The following CACNA2D1 variants were observed in gnomAD, a reference collection of about 807,000 sequenced individuals.
CACNA2D1 encodes the protein calcium voltage-gated channel auxiliary subunit alpha2delta 1, also known as voltage-dependent calcium channel subunit alpha-2/delta-1.
In CACNA2D1, 53 loss-of-function variants were observed where a neutral mutation model predicts 171.5. The ratio of observed to expected loss-of-function variants is 0.31; its 90% CI spans 0.25 to 0.39. CACNA2D1 has a LOEUF of 0.39. Ranked by LOEUF, CACNA2D1 falls within the 10% of genes least tolerant of loss-of-function variation. CACNA2D1 has a pLI of 1.00. For synonymous variants in CACNA2D1, 442 were observed against 443.1 expected, an observed-to-expected ratio of 1.00 and a Z score of 0.03; for missense variants, 903 against 1,299.8, an observed-to-expected ratio of 0.69 and a Z score of 4.69.
In CACNA2D1 at chr7:82,005,749, G is replaced by A; in HGVS notation, c.1515+16C>T. The A allele has an allele frequency of 7.2e-6, 11 of 1,538,268 alleles. No individual in the cohort carries two copies. Among genetic ancestry groups the A allele is most frequent in the Non-Finnish European group, 9.9e-6 (11 of 1,111,158 alleles). On this transcript the variant is annotated intron_variant, in intron 17 of 38. Transcript: ENST00000356860. ...CTAAACTAGAAAGGGTATCAAAAGA[G>A]CAAATTTCATCTTACTGTAAAACGT...
At chr7:82,239,955 T>C (rs772205980) in intron 3 of CACNA2D1, among the ~76,000 whole-genome samples, 8 of 152,162 alleles carry the variant, frequency 5.3e-5, no homozygotes, top group Non-Finnish European at 1.2e-4. Flanking sequence ...TGGTCTATGG[T>C]AAAAAGATTA....
At chr7:82,085,032 TCAA>T (rs1810280325) in intron 6 of CACNA2D1, 132 bp from the exon 7 acceptor site, 2 of 834,120 alleles carry the variant, frequency 2.4e-6, no homozygotes, top group African/African-American at 1.7e-5. Context: ...CCAGTAGTTA[TCAA>T]CAAGTTTTCG....
chr7:82,439,519 G>A (rs1830343623), intron 1 of CACNA2D1, among the ~76,000 whole-genome samples: 1 of 151,596 alleles, frequency 6.6e-6, no homozygotes, highest in Non-Finnish European at 1.5e-5. Context: ...TGAAAGCCAT[G>A]GGAGGGGGAG....
chr7:82,150,049 T>G (rs1023959400), intron 4 of CACNA2D1, among the ~76,000 whole-genome samples: 1 of 151,956 alleles, frequency 6.6e-6, no homozygotes, highest in African/African-American at 2.4e-5. Context: ...GCATCTACTA[T>G]AGGCATGCAG....
At chr7:82,029,288 C>CT (rs1364379115) in intron 12 of CACNA2D1, 1 of 151,614 alleles carries the variant, frequency 6.6e-6, no homozygotes, top group Non-Finnish European at 1.5e-5. Flanking sequence ...AAGGTATGTA[C>CT]TTTTTTTAGA....
At position 82,038,214 on chromosome 7, in the gene CACNA2D1, C is replaced by T; in HGVS notation, c.901G>A (p.Val301Ile). The T allele has an allele frequency of 6.2e-7, 1 of 1,613,390 alleles. No individual in the cohort carries two copies. The highest frequency in any genetic ancestry group is 8.5e-7 in the Non-Finnish European group (1 of 1,179,656). ...TGGACAAGGTGCTGAAAACAGCTTA[C>T]ATCCTGAGCATTGCTGTTAAACTGC... Reference protein sequence around the residue: ...VASFNSNAQDVSCFQHLVQAN... With the variant: ...VASFNSNAQDISCFQHLVQAN... The change falls in exon 11 of 39, where the codon GTA becomes ATA. Residue 301 changes from valine to isoleucine, a missense_variant. Physicochemically the swap from Val to Ile is conservative, Grantham distance 29. Coordinates refer to ENST00000356860, the MANE Select transcript of CACNA2D1 (RefSeq NM_000722.4).
In CACNA2D1 at chr7:82,133,927, G is replaced by T. The variant is rs1183900813; in HGVS notation, c.396+2708C>A. Among the ~76,000 whole-genome samples the T allele has an allele frequency of 2.0e-5, 3 of 152,158 alleles. No individual in the cohort carries two copies. The East Asian group carries it at 5.8e-4, about 30-fold the overall frequency. The stretch of plus-strand genomic sequence containing the variant: ...CTCTACTAAAAAATACAAAAAATTA[G>T]CTGGGCATGGTGGCGGGCGCCTGTA... On this transcript the variant is annotated intron_variant, in intron 5 of 38. Transcript: ENST00000356860.
intron 5 of CACNA2D1, among the ~76,000 whole-genome samples, chr7:82,123,692 A>C (rs1287815475): frequency 6.6e-6 from 1 of 152,182 alleles, no homozygotes; most frequent in African/African-American, 2.4e-5. Flanking sequence ...GACAAATCCA[A>C]AATGTGTAGC....
rs138048264 is a variant in CACNA2D1 at position 82,016,798 on chromosome 7, T to TG, written c.1144-2320dup. 2.0e-3 allele frequency among the ~76,000 whole-genome samples: 307 copies of TG among 152,214 alleles called. 5 individuals are homozygous for TG. The East Asian group carries it at 0.056, about 28-fold the overall frequency. On this transcript the variant is annotated intron_variant, in intron 12 of 38. Transcript: ENST00000356860. ...ATTTTTGAAACACGCCAAACTCTTT[T>TG]GTAAACCTCTTTGTTCTTTTTCTTG...
chr7:82,292,329 C>T (rs766146420), intron 3 of CACNA2D1, among the ~76,000 whole-genome samples: 1 of 152,122 alleles, frequency 6.6e-6, no homozygotes, highest in African/African-American at 2.4e-5. Context: ...GGATTAAACT[C>T]CTTGCTTGCT....
At chr7:82,326,997 A>G (rs1048838271) in intron 3 of CACNA2D1, among the ~76,000 whole-genome samples, 1 of 152,266 alleles carries the variant, frequency 6.6e-6, no homozygotes, top group Non-Finnish European at 1.5e-5. Context: ...TATTGCGCCA[A>G]GCCATATTAG....
At chr7:81,997,628 A>G (rs1398839448) in intron 18 of CACNA2D1, among the ~76,000 whole-genome samples, 1 of 151,258 alleles carries the variant, frequency 6.6e-6, no homozygotes, top group Non-Finnish European at 1.5e-5. Context: ...TTGGTAATAA[A>G]ACAATGGCAA....
intron 4 of CACNA2D1, among the ~76,000 whole-genome samples, chr7:82,146,337 T>C (rs1488464212): frequency 6.8e-6 from 1 of 147,102 alleles, no homozygotes; most frequent in East Asian, 2.0e-4. Context: ...CGTGTGTGTG[T>C]GTGTAGAAGA....
rs370225147 is a variant in CACNA2D1, at chr7:81,956,395, GAAGT to G, written c.3159+2876_3159+2879del. Among the ~76,000 whole-genome samples, 247 of 152,052 alleles carry G rather than the reference GAAGT, an allele frequency of 1.6e-3. 1 individual carries two copies. Among genetic ancestry groups the G allele is most frequent in the Middle Eastern group, 3.4e-3 (1 of 294 alleles). ...TTATCTAAAAATTCTATGATTGACAGAAGTAAGCTTTTGAATCAAAAGGGAAAAT... is the reference window on the plus strand; with the variant it reads ...TTATCTAAAAATTCTATGATTGACAGAAGCTTTTGAATCAAAAGGGAAAAT... On this transcript the variant is annotated intron_variant, in intron 38 of 38. Coordinates refer to ENST00000356860, the MANE Select transcript of CACNA2D1 (RefSeq NM_000722.4).
intron 8 of CACNA2D1, among the ~76,000 whole-genome samples, chr7:82,065,335 T>TA (rs1199448848): frequency 6.6e-6 from 1 of 152,110 alleles, no homozygotes; most frequent in Non-Finnish European, 1.5e-5. Flanking sequence ...ATGCCTAGTA[T>TA]CTTAATGCTG....
intron 3 of CACNA2D1, among the ~76,000 whole-genome samples, chr7:82,200,642 C>T (rs1199803559): frequency 1.3e-5 from 2 of 151,754 alleles, no homozygotes; most frequent in African/African-American, 4.8e-5. Flanking sequence ...TACTTTGATC[C>T]TTCAATATTT....
At chr7:82,153,916 CACTT>C (rs559825546) in intron 4 of CACNA2D1, among the ~76,000 whole-genome samples, 152 of 151,468 alleles carry the variant, frequency 1.0e-3, no homozygotes, top group African/African-American at 3.5e-3. Flanking sequence ...TAAAGAAAAA[CACTT>C]AGGAGGAAGA....
intron 4 of CACNA2D1, among the ~76,000 whole-genome samples, chr7:82,165,276 A>G (rs749081510): frequency 4.6e-5 from 7 of 152,000 alleles, no homozygotes; most frequent in Non-Finnish European, 7.4e-5. Context: ...CCTCATTTAT[A>G]TCTACATGTA....
chr7:82,030,884 G>A (rs191877892), intron 12 of CACNA2D1, among the ~76,000 whole-genome samples: 257 of 151,900 alleles, frequency 1.7e-3, no homozygotes, highest in African/African-American at 6.1e-3. Context: ...TGTTATATTT[G>A]AGTTCTTCAA....
Sources: gnomAD v4.1 joint callset for allele counts (sites outside exome capture counted in the v4.1 genomes callset) on GRCh38, gnomAD v4.1.1 for gene constraint, MANE v1.5 for transcripts, NCBI Gene and HGNC (gene_info 2026-07-23, HGNC 2026-07-21) for gene names.